ZNF678: variants seen among roughly 807,000 people sequenced by gnomAD.
ZNF678 encodes the protein zinc finger protein 678.
In ZNF678, 5 loss-of-function variants were observed where a neutral mutation model predicts 3.0. The observed-to-expected ratio is 1.69, with a 90% CI of 0.88 to 3.56. The LOEUF (loss-of-function observed/expected upper bound fraction) is 3.56. ZNF678 is among the 30% of genes most tolerant of loss of function. ZNF678 has a pLI of 0.00. For synonymous variants in ZNF678, 218 were observed against 199.6 expected (o/e 1.09, Z -0.78); for missense variants, 593 against 605.0 (o/e 0.98, Z 0.21).
chr1:227,590,496 C>T (rs564193223), intron 1 of ZNF678, among the ~76,000 whole-genome samples: 1 of 151,868 alleles, frequency 6.6e-6, no homozygotes, highest in Non-Finnish European at 1.5e-5. Context: ...GGTTGGGTAT[C>T]CCCACGAGCC....
intron 1 of ZNF678, among the ~76,000 whole-genome samples, chr1:227,567,506 T>C (rs1656721481): frequency 6.6e-6 from 1 of 152,132 alleles, no homozygotes; most frequent in Non-Finnish European, 1.5e-5. Context: ...AAGAGCCCTT[T>C]ACATTGAGAG....
At chr1:227,665,717 T>A (rs1321246856), downstream of ZNF678, among the ~76,000 whole-genome samples, 1 of 152,254 alleles carries the variant, frequency 6.6e-6, no homozygotes, top group African/African-American at 2.4e-5. Flanking sequence ...ATTTTGTGTA[T>A]GTAAAGCTAT....
chr1:227,654,211 T>C (rs1366158909), intron 3 of ZNF678, 125 bp from the exon 4 acceptor site: 36 of 768,544 alleles, frequency 4.7e-5, no homozygotes, highest in Non-Finnish European at 6.4e-5. Flanking sequence ...AAAGGAATCA[T>C]GGCATGTGAT....
At chr1:227,645,912 A>G (rs1458116434) in intron 1 of ZNF678, among the ~76,000 whole-genome samples, 1 of 152,166 alleles carries the variant, frequency 6.6e-6, no homozygotes, top group Admixed American at 6.5e-5. Flanking sequence ...CATTGGGGAG[A>G]TTTAATAACT....
At chr1:227,650,251 T>G (rs1659057405) in intron 2 of ZNF678, among the ~76,000 whole-genome samples, 1 of 152,212 alleles carries the variant, frequency 6.6e-6, no homozygotes, top group African/African-American at 2.4e-5. Context: ...CAGCATCAAT[T>G]ACTGAAGCAA....
At chr1:227,641,659 A>G (rs886184597) in intron 1 of ZNF678, among the ~76,000 whole-genome samples, 2 of 152,106 alleles carry the variant, frequency 1.3e-5, no homozygotes, top group Non-Finnish European at 2.9e-5. Flanking sequence ...GTCCAGTCAC[A>G]TCTCACAATT....
At chr1:227,639,887 A>G (rs1658775608) in intron 1 of ZNF678, among the ~76,000 whole-genome samples, 1 of 152,178 alleles carries the variant, frequency 6.6e-6, no homozygotes, top group Admixed American at 6.5e-5. Flanking sequence ...GAAACTCCCT[A>G]ATATAAGAGG....
rs557801459 is a variant in ZNF678 at position 227,638,305 on chromosome 1, A to G, written c.-163-8239A>G. Reference sequence around the variant, plus strand: ...GGAAAGTGAAGTATATGGGTCAGGAACTACTAGACAGCTTGGTTAATGAGC... The same window carrying G: ...GGAAAGTGAAGTATATGGGTCAGGAGCTACTAGACAGCTTGGTTAATGAGC... On this transcript the variant is annotated intron_variant, in intron 1 of 3. Transcript: ENST00000343776. The surrounding 1 kb of genome is among the most constrained non-coding windows in gnomAD (Gnocchi z 4.2). Among the ~76,000 whole-genome samples the G allele has an allele frequency of 6.6e-6, 1 of 152,320 alleles. No individual in the cohort carries two copies. The highest frequency in any genetic ancestry group is 2.1e-4 in the South Asian group (1 of 4,824).
downstream of ZNF678, among the ~76,000 whole-genome samples, chr1:227,663,887 C>G (rs1344602823): frequency 1.3e-5 from 2 of 152,178 alleles, no homozygotes; most frequent in South Asian, 2.1e-4. Flanking sequence ...AAAGACCTCT[C>G]TGTGCCCACT....
rs567317961 is a variant in ZNF678 at position 227,655,093 on chromosome 1, T to C, written c.843T>C (p.Thr281=). Residue 281 remains threonine (T), a synonymous_variant, in exon 4 of 4, where the codon ACT becomes ACC. Coordinates refer to ENST00000343776, the MANE Select transcript of ZNF678 (RefSeq NM_001367909.1). The stretch of plus-strand genomic sequence containing the variant: ...TTTTTAATGAGTGCTCACACCTAAC[T>C]AGACATAGGAGAATTCATACTGGAG... The part of the protein sequence containing the change: ...GNVFNECSHL[T]RHRRIHTGEK... 6.2e-7 allele frequency: 1 copy of C among 1,611,934 alleles called. No individual in the cohort carries two copies. Among genetic ancestry groups the C allele is most frequent in the Non-Finnish European group, 8.5e-7 (1 of 1,179,206 alleles).
chr1:227,576,138 C>T (rs1016358258), intron 1 of ZNF678, among the ~76,000 whole-genome samples: 1 of 152,076 alleles, frequency 6.6e-6, no homozygotes, highest in African/African-American at 2.4e-5. Flanking sequence ...CTGCTGGATT[C>T]AGTTTGCCAG....
intron 1 of ZNF678, among the ~76,000 whole-genome samples, chr1:227,615,548 A>G (rs150232812): frequency 1.4e-3 from 214 of 152,250 alleles, no homozygotes; most frequent in Non-Finnish European, 2.2e-3. Context: ...CCAGCCTGCC[A>G]TTGCTCACAG....
At chr1:227,663,157 T>C (rs1005503640), downstream of ZNF678, among the ~76,000 whole-genome samples, 1 of 152,172 alleles carries the variant, frequency 6.6e-6, no homozygotes, top group African/African-American at 2.4e-5. Context: ...AGCCATAGCT[T>C]GATGTCAGGT....
intron 1 of ZNF678, among the ~76,000 whole-genome samples, chr1:227,600,539 C>T (rs1657711644): frequency 6.6e-6 from 1 of 152,108 alleles, no homozygotes; most frequent in Admixed American, 6.5e-5. Context: ...TTTCTCTAAT[C>T]AGTTATGTTG....
At chr1:227,673,569 T>G (rs750297323) in intron 5 of ZNF678, among the ~76,000 whole-genome samples, 1 of 152,210 alleles carries the variant, frequency 6.6e-6, no homozygotes, top group South Asian at 2.1e-4. Flanking sequence ...TAAATAAATT[T>G]TACACATGCT....
At chr1:227,671,590 A>G (rs949885880) in intron 5 of ZNF678, among the ~76,000 whole-genome samples, 1 of 152,214 alleles carries the variant, frequency 6.6e-6, no homozygotes, top group African/African-American at 2.4e-5. Context: ...CTGAACTTCC[A>G]GCCATAGATC....
chr1:227,601,993 T>C (rs1431888299), intron 1 of ZNF678, among the ~76,000 whole-genome samples: 4 of 152,228 alleles, frequency 2.6e-5, no homozygotes, highest in African/African-American at 9.6e-5. Flanking sequence ...TTTCTAGATA[T>C]AGAATCATAT....
At chr1:227,571,094 T>G (rs1458560402) in intron 1 of ZNF678, among the ~76,000 whole-genome samples, 6 of 152,230 alleles carry the variant, frequency 3.9e-5, no homozygotes, top group Non-Finnish European at 7.3e-5. Flanking sequence ...TATTACAGGT[T>G]ATTTATTTTG....
At chr1:227,625,011 G>T (rs1658373175) in intron 1 of ZNF678, among the ~76,000 whole-genome samples, 3 of 152,282 alleles carry the variant, frequency 2.0e-5, no homozygotes, top group Admixed American at 2.0e-4. Context: ...GACCCAAAGG[G>T]GGTTGCCACT....
Sources: allele counts gnomAD v4.1 joint callset (sites outside exome capture counted in the v4.1 genomes callset), GRCh38; gene constraint gnomAD v4.1.1; non-coding constraint Gnocchi (gnomAD v3.1); transcripts MANE v1.5; gene names NCBI Gene and HGNC (gene_info 2026-07-23, HGNC 2026-07-21).